The following PTPRG variants were observed in gnomAD, a reference collection of about 807,000 sequenced individuals.
PTPRG encodes receptor-type tyrosine-protein phosphatase gamma.
A neutral mutation model predicts 165.3 loss-of-function variants in PTPRG; 102 were observed. That is an observed-to-expected ratio of 0.62 (90% CI 0.53 to 0.73). PTPRG has a LOEUF of 0.73. PTPRG is among the 30% of genes least tolerant of loss of function. The pLI, the probability that PTPRG is intolerant of heterozygous loss-of-function variation, is 0.00. For missense variants in PTPRG, 1,866 were observed against 1,861.4 expected (o/e 1.00, Z -0.05); for synonymous variants, 675 against 669.5 (o/e 1.01, Z -0.13).
At chr3:61,729,772 T>C (rs541620163) in intron 1 of PTPRG, among the ~76,000 whole-genome samples, 1 of 151,602 alleles carries the variant, frequency 6.6e-6, no homozygotes, top group Admixed American at 6.5e-5. Context: ...ATTTTTATTT[T>C]CTTGTTTATG....
At chr3:61,651,148 T>A (rs1702343226) in intron 1 of PTPRG, among the ~76,000 whole-genome samples, 2 of 151,254 alleles carry the variant, frequency 1.3e-5, no homozygotes, top group Non-Finnish European at 3.0e-5. Flanking sequence ...TTTTTTTTTT[T>A]AAAGGAAAAA....
intron 8 of PTPRG, among the ~76,000 whole-genome samples, chr3:62,169,818 T>A (rs1705148676): frequency 6.6e-6 from 1 of 152,136 alleles, no homozygotes; most frequent in African/African-American, 2.4e-5. Flanking sequence ...TGGAGAGGTT[T>A]TCTTTCAAGA....
intron 4 of PTPRG, among the ~76,000 whole-genome samples, chr3:62,054,279 A>AGT (rs1343594245): frequency 6.6e-6 from 1 of 152,242 alleles, no homozygotes; most frequent in Non-Finnish European, 1.5e-5. Flanking sequence ...GTAGGCCTGA[A>AGT]GTAATATACA....
chr3:61,946,059 G>C (rs915360518), intron 2 of PTPRG, among the ~76,000 whole-genome samples: 6 of 151,968 alleles, frequency 3.9e-5, no homozygotes. Context: ...AATTGTTATA[G>C]TAATTGACTT....
chr3:61,952,704 C>G (rs774201922), intron 2 of PTPRG, among the ~76,000 whole-genome samples: 16 of 152,158 alleles, frequency 1.1e-4, no homozygotes, highest in Non-Finnish European at 1.8e-4. Context: ...TTTCTGTCCC[C>G]AGGAGTGGCA....
Position 62,046,067 on chromosome 3 carries a change from C to G in PTPRG, c.520-32096C>G, listed in dbSNP as rs540648113. Among the ~76,000 whole-genome samples, 5 of 152,260 alleles carry G rather than the reference C, an allele frequency of 3.3e-5. No homozygotes were observed. In the South Asian group the frequency reaches 1.0e-3, roughly 32 times the overall value. On this transcript the variant is annotated intron_variant, in intron 4 of 29. Coordinates refer to ENST00000474889, the MANE Select transcript of PTPRG (RefSeq NM_002841.4). The stretch of plus-strand genomic sequence containing the variant: ...GTCGCACAAAGCACCATTCCCCTCT[C>G]TTGGTTGTTATGTGAGGGCTGTGAC...
intron 2 of PTPRG, among the ~76,000 whole-genome samples, chr3:61,928,130 C>A (rs751287943): frequency 1.3e-5 from 2 of 152,180 alleles, no homozygotes; most frequent in African/African-American, 2.4e-5. Context: ...TTAGGAGACT[C>A]ACACACAGTC....
intron 10 of PTPRG, among the ~76,000 whole-genome samples, chr3:62,199,941 C>T (rs78520731): frequency 6.6e-6 from 1 of 152,314 alleles, no homozygotes; most frequent in East Asian, 1.9e-4. Context: ...GGAATTCTGA[C>T]ACATGCTGCA....
Position 62,036,983 on chromosome 3 carries a change from G to GCGCGCACACACA in PTPRG, c.519+33487_519+33488insGCGCACACACAC, listed in dbSNP as rs145992725. ...CAGTGCTGCACGTGCGCGCGCGCAC[G>GCGCGCACACACA]CACACACACACACACACACACACAC... On this transcript the variant is annotated intron_variant, in intron 4 of 29. Transcript: ENST00000474889. Among the ~76,000 whole-genome samples the GCGCGCACACACA allele has an allele frequency of 4.0e-5, 6 of 150,456 alleles. 1 individual carries two copies. Among genetic ancestry groups the GCGCGCACACACA allele is most frequent in the Non-Finnish European group, 8.9e-5 (6 of 67,576 alleles).
intron 2 of PTPRG, among the ~76,000 whole-genome samples, chr3:61,894,366 A>T (rs2038296641): frequency 7.0e-6 from 1 of 142,022 alleles, no homozygotes; most frequent in Non-Finnish European, 1.5e-5. Context: ...GTGCTGGAGG[A>T]GTTGGAAACT....
chr3:61,874,452 T>C (rs531333540), intron 2 of PTPRG, among the ~76,000 whole-genome samples: 1 of 152,334 alleles, frequency 6.6e-6, no homozygotes, highest in Non-Finnish European at 1.5e-5. Flanking sequence ...GGGTACATTT[T>C]AAAGCAGAGA....
chr3:61,848,511 A>C (rs1196799589), intron 2 of PTPRG, among the ~76,000 whole-genome samples: 1 of 152,202 alleles, frequency 6.6e-6, no homozygotes, highest in Non-Finnish European at 1.5e-5. Flanking sequence ...TTCTTTTCCA[A>C]AGTGGAGTTA....
At chr3:61,607,489 A>G (rs1701045368) in intron 1 of PTPRG, among the ~76,000 whole-genome samples, 1 of 152,252 alleles carries the variant, frequency 6.6e-6, no homozygotes, top group East Asian at 1.9e-4. Flanking sequence ...CCACATCGCT[A>G]CCGCTCTCAT....
At chr3:61,577,067 T>C (rs1257638357) in intron 1 of PTPRG, among the ~76,000 whole-genome samples, 1 of 152,224 alleles carries the variant, frequency 6.6e-6, no homozygotes, top group Non-Finnish European at 1.5e-5. Flanking sequence ...CTTTTCCCTC[T>C]GTTGTTTATA....
chr3:61,653,309 T>C (rs1429712709), intron 1 of PTPRG, among the ~76,000 whole-genome samples: 1 of 152,210 alleles, frequency 6.6e-6, no homozygotes, highest in African/African-American at 2.4e-5. Flanking sequence ...CCCATTTCTT[T>C]AAATTATCCC....
At chr3:61,919,909 T>A (rs1027222828) in intron 2 of PTPRG, among the ~76,000 whole-genome samples, 19 of 152,182 alleles carry the variant, frequency 1.2e-4, no homozygotes, top group African/African-American at 4.6e-4. Context: ...GTAAAAGCAG[T>A]CACTAGTAGC....
At chr3:61,638,688 T>C (rs187307336) in intron 1 of PTPRG, among the ~76,000 whole-genome samples, 5 of 147,744 alleles carry the variant, frequency 3.4e-5, no homozygotes, top group African/African-American at 4.9e-5. Context: ...TCTGCCTGCC[T>C]TGACCTCCCA....
chr3:61,572,537 T>A (rs1700080213), intron 1 of PTPRG, among the ~76,000 whole-genome samples: 1 of 151,740 alleles, frequency 6.6e-6, no homozygotes, highest in Non-Finnish European at 1.5e-5. Context: ...AAAAATAAAT[T>A]AAAAATTAAG....
In PTPRG at chr3:61,591,992, G is replaced by T. The variant is rs531334553; in HGVS notation, c.85+29620G>T. Among the ~76,000 whole-genome samples the T allele has an allele frequency of 5.2e-3, 757 of 145,736 alleles. 5 individuals are homozygous for T. The highest frequency in any genetic ancestry group is 0.018 in the African/African-American group (714 of 39,264). ...TGGAGTGCTAATTTTTTTTTTTTTT[G>T]GATGGAGTTTCACTCTTGTTGCCCA... On this transcript the variant is annotated intron_variant, in intron 1 of 29. Coordinates refer to ENST00000474889, the MANE Select transcript of PTPRG (RefSeq NM_002841.4).
Sources: allele counts gnomAD v4.1 joint callset (sites outside exome capture counted in the v4.1 genomes callset), GRCh38; gene constraint gnomAD v4.1.1; transcripts MANE v1.5; gene names NCBI Gene and HGNC (gene_info 2026-07-23, HGNC 2026-07-21).